The following BEND6 variants were observed in gnomAD, a reference collection of about 807,000 sequenced individuals.
BEND6 encodes the protein BEN domain containing 6, also known as BEN domain-containing protein 6.
In BEND6, 24 loss-of-function variants were observed where a neutral mutation model predicts 31.8. The ratio of observed to expected loss-of-function variants is 0.75; its 90% CI spans 0.55 to 1.06. The LOEUF is 1.06. Ranked by LOEUF, BEND6 falls within the 50% of genes least tolerant of loss-of-function variation. BEND6 has a pLI of 0.00. For synonymous variants in BEND6, 109 were observed against 114.6 expected (o/e 0.95, Z 0.31); for missense variants, 294 against 327.4 (o/e 0.90, Z 0.79).
In BEND6 at chr6:57,026,343, G is replaced by C. The variant is rs1278377058; in HGVS notation, c.*271G>C. On this transcript the variant is annotated 3_prime_UTR_variant, in exon 7 of 7. Transcript: ENST00000370746. ...AATAAGCATGCAATATGGTTTCTTT[G>C]GAAATAAGCATTTCCCAATCCCCAA... is the stretch of plus-strand genomic sequence containing the variant. 6.6e-6 allele frequency: 1 copy of C among 152,100 alleles called. No individual in the cohort carries two copies. The highest frequency in any genetic ancestry group is 1.5e-5 in the Non-Finnish European group (1 of 68,024). 9.4% of individuals were successfully genotyped at this position (152,100 alleles called of 1,614,324 possible).
At chr6:56,961,789 C>T (rs377544573) in intron 1 of BEND6, among the ~76,000 whole-genome samples, 6 of 152,200 alleles carry the variant, frequency 3.9e-5, no homozygotes, top group African/African-American at 1.4e-4. Flanking sequence ...AGCCCACATT[C>T]AACAGTCTAC....
chr6:57,023,576 C>T (rs923757771), intron 6 of BEND6, among the ~76,000 whole-genome samples: 2 of 152,152 alleles, frequency 1.3e-5, no homozygotes, highest in Admixed American at 6.5e-5. Flanking sequence ...TTCAGCCATC[C>T]TATACCTTTT....
At chr6:56,964,356 C>T (rs1339030272) in intron 1 of BEND6, among the ~76,000 whole-genome samples, 1 of 152,140 alleles carries the variant, frequency 6.6e-6, no homozygotes, top group African/African-American at 2.4e-5. Flanking sequence ...CAAGTTTAGT[C>T]TTTCCCTCTT....
At chr6:56,980,299 A>G (rs953829410) in intron 1 of BEND6, among the ~76,000 whole-genome samples, 1 of 152,160 alleles carries the variant, frequency 6.6e-6, no homozygotes, top group South Asian at 2.1e-4. Flanking sequence ...AGCAATTCTC[A>G]TGCCTCAGCC....
chr6:56,996,965 C>T (rs925206176), intron 3 of BEND6, among the ~76,000 whole-genome samples: 3 of 152,182 alleles, frequency 2.0e-5, no homozygotes, highest in Non-Finnish European at 4.4e-5. Context: ...TCCTGTCCTC[C>T]TGTGCTTAAA....
Position 57,000,884 on chromosome 6 carries a change from G to GGA in BEND6, c.298+8329_298+8330insGA, listed in dbSNP as rs1491164811. On this transcript the variant is annotated intron_variant, in intron 3 of 6. Transcript: ENST00000370746. ...TCAACCAATATTAAACACTTCCTCT[G>GGA]AAAAAAAAAAAAAAAAAAGAAGTGC... Among the ~76,000 whole-genome samples the GGA allele has an allele frequency of 4.0e-3, 397 of 99,754 alleles. 3 individuals carry two copies. The highest frequency in any genetic ancestry group is 0.015 in the African/African-American group (383 of 24,716). 65.4% of individuals were successfully genotyped at this position (99,754 alleles called of 152,430 possible).
intron 3 of BEND6, among the ~76,000 whole-genome samples, chr6:57,001,155 CTT>C (rs33918532): frequency 0.2 from 24,048 of 118,368 alleles, 2,258 homozygotes; most frequent in Non-Finnish European, 0.25. Flanking sequence ...AAGAAAAAGT[CTT>C]TTTTTTTTTT....
intron 2 of BEND6, among the ~76,000 whole-genome samples, chr6:56,991,075 C>A (rs1289480177): frequency 6.6e-6 from 1 of 152,020 alleles, no homozygotes; most frequent in Non-Finnish European, 1.5e-5. Context: ...AATAATGAAC[C>A]ATGATTATGG....
At chr6:56,994,656 T>G (rs371117448) in intron 3 of BEND6, among the ~76,000 whole-genome samples, 6 of 151,984 alleles carry the variant, frequency 3.9e-5, no homozygotes, top group African/African-American at 1.4e-4. Flanking sequence ...AGCTAATTAG[T>G]AGAAATGCTT....
intron 3 of BEND6, among the ~76,000 whole-genome samples, chr6:56,993,013 A>AT (rs1004893762): frequency 1.3e-5 from 2 of 152,128 alleles, no homozygotes; most frequent in Non-Finnish European, 1.5e-5. Context: ...GTACATTTTC[A>AT]TTTTTTTCTG....
intron 1 of BEND6, among the ~76,000 whole-genome samples, chr6:56,964,525 G>A (rs1422716522): frequency 6.6e-6 from 1 of 150,782 alleles, no homozygotes; most frequent in Admixed American, 6.6e-5. Flanking sequence ...TTTTTGAGAT[G>A]GGGGCTTGCC....
At chr6:56,977,126 G>A (rs79839280) in intron 1 of BEND6, among the ~76,000 whole-genome samples, 3,585 of 152,268 alleles carry the variant, frequency 0.024, 154 homozygotes, top group African/African-American at 0.081. Context: ...TTTACAGATA[G>A]TGAAATTATA....
At chr6:56,973,393 C>G (rs1825757181) in intron 1 of BEND6, among the ~76,000 whole-genome samples, 1 of 152,170 alleles carries the variant, frequency 6.6e-6, no homozygotes, top group African/African-American at 2.4e-5. Flanking sequence ...TCTAAGACCC[C>G]AGTGGATGCC....
At chr6:57,013,734 C>G (rs1269840219) in intron 3 of BEND6, 1 of 152,364 alleles carries the variant, frequency 6.6e-6, no homozygotes, top group Non-Finnish European at 1.5e-5. Flanking sequence ...CCAGATCATT[C>G]TTTGAGCAGG....
intron 1 of BEND6, among the ~76,000 whole-genome samples, chr6:56,962,424 C>A (rs1311392385): frequency 1.3e-5 from 2 of 152,210 alleles, no homozygotes; most frequent in Non-Finnish European, 2.9e-5. Flanking sequence ...GACTGTTTCA[C>A]TCCAGTGGGC....
intron 1 of BEND6, among the ~76,000 whole-genome samples, chr6:56,976,943 A>G (rs183332974): frequency 1.3e-5 from 2 of 152,370 alleles, no homozygotes; most frequent in East Asian, 3.9e-4. Context: ...CTAAGCACTC[A>G]TCACAATATT....
At chr6:57,005,692 AC>A (rs1827134004) in intron 3 of BEND6, among the ~76,000 whole-genome samples, 1 of 151,766 alleles carries the variant, frequency 6.6e-6, no homozygotes, top group South Asian at 2.1e-4. Context: ...AAAAAAAAAA[AC>A]AAAGACTTGT....
chr6:56,991,215 G>GT (rs1178381149), intron 2 of BEND6, among the ~76,000 whole-genome samples: 1 of 151,992 alleles, frequency 6.6e-6, no homozygotes, highest in Non-Finnish European at 1.5e-5. Flanking sequence ...AGTCAAGTTT[G>GT]TTTTTTACTT....
At chr6:57,012,259 G>T (rs1340923393) in intron 3 of BEND6, among the ~76,000 whole-genome samples, 4 of 152,140 alleles carry the variant, frequency 2.6e-5, no homozygotes, top group Non-Finnish European at 5.9e-5. Flanking sequence ...ATGAATTATG[G>T]TACACACAAC....
Sources: allele counts gnomAD v4.1 joint callset (sites outside exome capture counted in the v4.1 genomes callset), GRCh38; gene constraint gnomAD v4.1.1; transcripts MANE v1.5; gene names NCBI Gene and HGNC (gene_info 2026-07-23, HGNC 2026-07-21).